The following WDPCP variants were observed in gnomAD, a reference collection of about 807,000 sequenced individuals.
WDPCP encodes the protein WD repeat-containing and planar cell polarity effector protein fritz homolog.
WDPCP carries 71 observed loss-of-function variants against 93.1 expected under a neutral mutation model. The ratio of observed to expected loss-of-function variants is 0.76; its 90% CI spans 0.63 to 0.93. The LOEUF (loss-of-function observed/expected upper bound fraction) is 0.93, where lower values mean the gene tolerates loss of function less well. Ranked by LOEUF, WDPCP falls within the 40% of genes least tolerant of loss-of-function variation. The pLI is 0.00. For synonymous variants in WDPCP, 315 were observed against 315.0 expected (o/e 1.00, Z 0.00); for missense variants, 844 against 887.4 (o/e 0.95, Z 0.62).
intron 2 of WDPCP, among the ~76,000 whole-genome samples, chr2:63,757,768 A>C (rs1669991024): frequency 6.6e-6 from 1 of 152,188 alleles, no homozygotes; most frequent in Admixed American, 6.5e-5. Context: ...CTTTCAGGCA[A>C]AATTCATTTA....
intron 15 of WDPCP, among the ~76,000 whole-genome samples, chr2:63,172,902 A>G (rs891089991): frequency 1.6e-4 from 24 of 152,134 alleles, no homozygotes; most frequent in African/African-American, 5.8e-4. Context: ...TGAAGGAAGA[A>G]AGAAGCATAA....
intron 10 of WDPCP, among the ~76,000 whole-genome samples, chr2:63,386,205 C>T (rs759400625): frequency 1.3e-5 from 2 of 151,940 alleles, no homozygotes; most frequent in African/African-American, 2.4e-5. Flanking sequence ...ACATTATGAA[C>T]TGAATTTCAT....
chr2:63,581,764 T>C (rs1459315455), intron 1 of WDPCP, among the ~76,000 whole-genome samples: 1 of 152,102 alleles, frequency 6.6e-6, no homozygotes, highest in Non-Finnish European at 1.5e-5. Context: ...CCCAGCACTT[T>C]GGGAGGCTGA....
At chr2:63,635,121 T>C (rs1232562980) in intron 3 of WDPCP, among the ~76,000 whole-genome samples, 2 of 152,090 alleles carry the variant, frequency 1.3e-5, no homozygotes, top group Non-Finnish European at 2.9e-5. Context: ...TTGGATAACC[T>C]AGAAGAAATG....
chr2:63,491,035 G>A (rs996717690), intron 2 of WDPCP, among the ~76,000 whole-genome samples: 71 of 152,086 alleles, frequency 4.7e-4, no homozygotes, highest in African/African-American at 1.5e-3. Context: ...AGTTCACTTT[G>A]GGATTTCTTT....
chr2:63,416,178 G>A (rs1169234422), intron 9 of WDPCP, among the ~76,000 whole-genome samples: 1 of 150,640 alleles, frequency 6.6e-6, no homozygotes, highest in Non-Finnish European at 1.5e-5. Context: ...GTCCTATGCT[G>A]TTGCATGAAA....
intron 14 of WDPCP, among the ~76,000 whole-genome samples, chr2:63,207,133 T>C (rs1023007579): frequency 6.6e-6 from 1 of 152,222 alleles, no homozygotes; most frequent in Non-Finnish European, 1.5e-5. Flanking sequence ...GTATTTATTA[T>C]GCTTATCACT....
intron 14 of WDPCP, among the ~76,000 whole-genome samples, chr2:63,254,601 G>C (rs2104740902): frequency 6.6e-6 from 1 of 152,094 alleles, no homozygotes; most frequent in South Asian, 2.1e-4. Context: ...CTTTTATCCA[G>C]TTTCTTCCAA....
chr2:63,428,729 G>A (rs1418154242), intron 9 of WDPCP, among the ~76,000 whole-genome samples: 1 of 151,998 alleles, frequency 6.6e-6, no homozygotes, highest in African/African-American at 2.4e-5. Context: ...TCCTTGCCAG[G>A]GTAATCACGC....
intron 1 of WDPCP, among the ~76,000 whole-genome samples, chr2:63,826,131 T>C (rs1229005845): frequency 6.6e-6 from 1 of 152,152 alleles, no homozygotes; most frequent in Non-Finnish European, 1.5e-5. Context: ...CCAAATTCTC[T>C]GTTGAGGAAA....
At chr2:63,806,691 C>T (rs565313695) in intron 2 of WDPCP, among the ~76,000 whole-genome samples, 22 of 152,154 alleles carry the variant, frequency 1.4e-4, no homozygotes, top group African/African-American at 5.3e-4. Context: ...AGAGACCCAC[C>T]CCGAGGTGCG....
intron 14 of WDPCP, among the ~76,000 whole-genome samples, chr2:63,205,882 C>T (rs1279598598): frequency 5.9e-5 from 9 of 152,166 alleles, no homozygotes; most frequent in African/African-American, 9.6e-5. Context: ...GTGGTGAAAG[C>T]GGGCATCCTT....
intron 2 of WDPCP, among the ~76,000 whole-genome samples, chr2:63,693,906 T>C (rs966915184): frequency 2.6e-5 from 4 of 152,194 alleles, no homozygotes; most frequent in Non-Finnish European, 5.9e-5. Flanking sequence ...CTAATGCTTA[T>C]GGAGTGTTCT....
chr2:63,570,589 T>A (rs1707411364), intron 1 of WDPCP, among the ~76,000 whole-genome samples: 1 of 152,192 alleles, frequency 6.6e-6, no homozygotes, highest in Non-Finnish European at 1.5e-5. Flanking sequence ...CAGGGATACA[T>A]CTAGGTAGAT....
intron 12 of WDPCP, among the ~76,000 whole-genome samples, chr2:63,370,709 C>T (rs1691306062): frequency 6.6e-6 from 1 of 152,052 alleles, no homozygotes; most frequent in South Asian, 2.1e-4. Context: ...TTTAAATCTT[C>T]TATTTCTTTT....
At chr2:63,828,991 T>A (rs773640236), upstream of WDPCP, among the ~76,000 whole-genome samples, 4 of 152,184 alleles carry the variant, frequency 2.6e-5, no homozygotes, top group Non-Finnish European at 5.9e-5. Context: ...TATAAATTTG[T>A]ATTTTTATGT....
intron 1 of WDPCP, among the ~76,000 whole-genome samples, chr2:63,820,562 A>T (rs1671002631): frequency 6.6e-6 from 1 of 152,158 alleles, no homozygotes; most frequent in Non-Finnish European, 1.5e-5. Flanking sequence ...CTCATTCTTT[A>T]AACACATGGT....
chr2:63,576,390 C>A (rs1273659529), intron 1 of WDPCP, among the ~76,000 whole-genome samples: 2 of 152,156 alleles, frequency 1.3e-5, no homozygotes, highest in Non-Finnish European at 2.9e-5. Context: ...TTTACTTATA[C>A]CTATCCATTT....
chr2:63,360,655 C>G (rs1250493600), intron 12 of WDPCP, among the ~76,000 whole-genome samples: 3 of 152,210 alleles, frequency 2.0e-5, no homozygotes, highest in Non-Finnish European at 4.4e-5. Flanking sequence ...GTGGTGCATT[C>G]TCTGCAAATT....
Sources: gnomAD v4.1 joint callset for allele counts (sites outside exome capture counted in the v4.1 genomes callset) on GRCh38, gnomAD v4.1.1 for gene constraint, MANE v1.5 for transcripts, NCBI Gene and HGNC (gene_info 2026-07-23, HGNC 2026-07-21) for gene names.